The following KMT2C variants were observed in gnomAD, a reference collection of about 807,000 sequenced individuals.
The protein encoded by KMT2C is histone-lysine N-methyltransferase 2C.
A neutral mutation model predicts 507.9 loss-of-function variants in KMT2C; 88 were observed. The observed-to-expected ratio is 0.17, with a 90% CI of 0.15 to 0.21. The LOEUF is 0.21. Among genes scored for constraint, KMT2C ranks in the 10% least tolerant of loss-of-function variants. KMT2C has a pLI of 1.00. For missense variants in KMT2C, 4,954 were observed against 5,957.8 expected, an observed-to-expected ratio of 0.83 and a Z score of 5.55; for synonymous variants, 2,049 against 2,080.8, an observed-to-expected ratio of 0.98 and a Z score of 0.42.
intron 2 of KMT2C, among the ~76,000 whole-genome samples, chr7:152,355,608 A>G (rs2097145315): frequency 2.0e-5 from 3 of 152,162 alleles, no homozygotes; most frequent in Admixed American, 2.0e-4. Context: ...CTGAAAGTCA[A>G]GTTTTAAAAA....
At chr7:152,413,260 G>A (rs1409465221) in intron 1 of KMT2C, among the ~76,000 whole-genome samples, 1 of 151,936 alleles carries the variant, frequency 6.6e-6, no homozygotes, top group African/African-American at 2.4e-5. Context: ...GACTACTAAC[G>A]CGGGCCACCA....
chr7:152,422,458 A>AC (rs1425175062), intron 1 of KMT2C, among the ~76,000 whole-genome samples: 1 of 151,902 alleles, frequency 6.6e-6, no homozygotes, highest in Non-Finnish European at 1.5e-5. Context: ...TGTCTCAAAA[A>AC]GAAAAAAAAA....
At chr7:152,334,891 T>A (rs151016168) in intron 2 of KMT2C, among the ~76,000 whole-genome samples, 2 of 152,330 alleles carry the variant, frequency 1.3e-5, no homozygotes, top group African/African-American at 4.8e-5. Context: ...AAGCCACTGC[T>A]ATATTTTGGG....
intron 7 of KMT2C, among the ~76,000 whole-genome samples, chr7:152,270,745 A>T (rs1038775958): frequency 6.6e-6 from 1 of 152,122 alleles, no homozygotes; most frequent in African/African-American, 2.4e-5. Context: ...TTTAGGGTAA[A>T]ATTTCCAGAC....
chr7:152,255,177 G>A (rs1459335816), intron 9 of KMT2C, among the ~76,000 whole-genome samples: 2 of 142,264 alleles, frequency 1.4e-5, no homozygotes, highest in African/African-American at 5.3e-5. Context: ...GTGTGTGTGT[G>A]TGTTTTGGAA....
At chr7:152,183,937 T>G (rs1310773729) in intron 34 of KMT2C, among the ~76,000 whole-genome samples, 1 of 151,642 alleles carries the variant, frequency 6.6e-6, no homozygotes, top group Non-Finnish European at 1.5e-5. Flanking sequence ...CCAGGCATGG[T>G]GGCACATGCC....
In KMT2C at chr7:152,221,988, T is replaced by C; in HGVS notation, c.3499+13A>G. The C allele has an allele frequency of 6.3e-7, 1 of 1,587,116 alleles. No homozygotes were observed. The highest frequency in any genetic ancestry group is 1.2e-5 in the South Asian group (1 of 86,546). ...TAAATTAATTAAATCAAGTAAAGCA[T>C]TTCAAATTTTACCTAGCTCTTTTAC... is the stretch of plus-strand genomic sequence containing the variant. On this transcript the variant is annotated intron_variant, in intron 22 of 58. Coordinates refer to ENST00000262189, the MANE Select transcript of KMT2C (RefSeq NM_170606.3).
Position 152,416,279 on chromosome 7 carries a change from C to T in KMT2C, c.161+19347G>A, listed in dbSNP as rs1341600962. 4.6e-5 allele frequency among the ~76,000 whole-genome samples: 7 copies of T among 152,212 alleles called. No homozygotes were observed. In the East Asian group the frequency reaches 1.3e-3, roughly 29 times the overall value. ...GTCAGGCGTAGGCCAGGCGCGATGG[C>T]TCACACCTGTAATCCCAGCACTTTG... is the stretch of plus-strand genomic sequence containing the variant. On this transcript the variant is annotated intron_variant, in intron 1 of 58. Coordinates refer to ENST00000262189, the MANE Select transcript of KMT2C (RefSeq NM_170606.3).
intron 6 of KMT2C, among the ~76,000 whole-genome samples, chr7:152,279,691 C>T (rs2096164045): frequency 6.6e-6 from 1 of 151,510 alleles, no homozygotes. Flanking sequence ...GAAACATCTG[C>T]TAAAAAAAAT....
Position 152,149,156 on chromosome 7 carries a change from G to A in KMT2C, c.12775-4C>T, listed in dbSNP as rs2129095748. 1 of 1,450,890 alleles carries A rather than the reference G, an allele frequency of 6.9e-7. No individual in the cohort carries two copies. Among genetic ancestry groups the A allele is most frequent in the East Asian group, 2.4e-5 (1 of 41,204 alleles). The allele number at this position is 1,450,890 out of a possible 1,614,324, so 89.9% of individuals were successfully genotyped here. A position where few individuals can be genotyped will look rare whatever the true frequency, so the allele number is the denominator to read the frequency against. ...GTGGCAATGAAGGAATGGATTCCTG[G>A]GCAACATAAAGAAACCATGACAAAG... On this transcript the variant is annotated splice_region_variant and splice_polypyrimidine_tract_variant and intron_variant, in intron 51 of 58. Transcript: ENST00000262189.
chr7:152,387,936 T>A (rs1367839765), intron 1 of KMT2C, among the ~76,000 whole-genome samples: 2 of 151,986 alleles, frequency 1.3e-5, no homozygotes, highest in Admixed American at 1.3e-4. Context: ...TACCTTTTCT[T>A]AGAATTTGAA....
chr7:152,139,921 T>C (rs1027569184), intron 55 of KMT2C, 130 bp from the exon 56 acceptor site: 10 of 673,888 alleles, frequency 1.5e-5, no homozygotes, highest in Non-Finnish European at 2.4e-5. Context: ...CAAATCATTT[T>C]TGAATATGCT....
chr7:152,177,806 C>A lies in KMT2C; in HGVS notation c.7647G>T (p.Gln2549His), dbSNP rs2093269206. Residue 2549 changes from glutamine to histidine, a missense_variant, in exon 38 of 59, where the codon CAG (glutamine) becomes CAT (histidine). Coordinates refer to ENST00000262189, the MANE Select transcript of KMT2C (RefSeq NM_170606.3). ...ATGCTTGGCCCAGTATGTTGTGCTGCTGAACTGGCAAGCTCTGTGGTGAAA... is the reference window on the plus strand; with the variant it reads ...ATGCTTGGCCCAGTATGTTGTGCTGATGAACTGGCAAGCTCTGTGGTGAAA... Reference protein sequence around the residue: ...QHFSPQSLPVQQHNILGQAYI... With the variant: ...QHFSPQSLPVHQHNILGQAYI... 4 of 1,613,872 alleles carry A rather than the reference C, an allele frequency of 2.5e-6. No homozygotes were observed. The highest frequency in any genetic ancestry group is 3.4e-6 in the Non-Finnish European group (4 of 1,179,940).
At chr7:152,326,443 T>C (rs1186741173) in intron 3 of KMT2C, among the ~76,000 whole-genome samples, 4 of 152,172 alleles carry the variant, frequency 2.6e-5, no homozygotes, top group African/African-American at 9.6e-5. Context: ...GAAAATATTC[T>C]AAAAAATACC....
intron 9 of KMT2C, among the ~76,000 whole-genome samples, chr7:152,257,197 G>GAACTTGCCT (rs1228099719): frequency 6.6e-5 from 10 of 152,272 alleles, no homozygotes; most frequent in Non-Finnish European, 1.5e-4. Flanking sequence ...GAGATCTCTT[G>GAACTTGCCT]AACTTGCCTA....
intron 9 of KMT2C, among the ~76,000 whole-genome samples, chr7:152,258,517 TTGC>T (rs755479097): frequency 1.3e-5 from 2 of 152,064 alleles, no homozygotes; most frequent in South Asian, 2.1e-4. Context: ...GTTGTTGTTG[TTGC>T]TGTTGTTGTT....
chr7:152,409,227 G>C (rs1229832954), intron 1 of KMT2C, among the ~76,000 whole-genome samples: 4 of 151,788 alleles, frequency 2.6e-5, no homozygotes, highest in African/African-American at 9.7e-5. Flanking sequence ...GGCTGGTCTT[G>C]AACGCCTTAC....
intron 3 of KMT2C, among the ~76,000 whole-genome samples, chr7:152,319,510 C>A (rs1029052844): frequency 6.6e-6 from 1 of 152,028 alleles, no homozygotes; most frequent in Non-Finnish European, 1.5e-5. Context: ...CGTGGTCTAG[C>A]GGTAGCGTCA....
intron 37 of KMT2C, among the ~76,000 whole-genome samples, chr7:152,179,257 A>C (rs1266773319): frequency 6.6e-6 from 1 of 152,190 alleles, no homozygotes; most frequent in East Asian, 1.9e-4. Context: ...CGGCCTCCCA[A>C]AGTATTGGGA....
Sources: allele counts gnomAD v4.1 joint callset (sites outside exome capture counted in the v4.1 genomes callset), GRCh38; gene constraint gnomAD v4.1.1; transcripts MANE v1.5; gene names NCBI Gene and HGNC (gene_info 2026-07-23, HGNC 2026-07-21).